Variants in PGPEP1L observed in about 807,000 individuals in gnomAD.
PGPEP1L encodes the protein pyroglutamyl-peptidase 1-like protein.
A neutral mutation model predicts 6.0 loss-of-function variants in PGPEP1L; 7 were observed. That is an observed-to-expected ratio of 1.17 (90% confidence interval 0.66 to 2.19). The LOEUF is 2.19. Ranked by LOEUF, PGPEP1L falls within the 30% of genes most tolerant of loss-of-function variation. The pLI, the probability that PGPEP1L is intolerant of heterozygous loss-of-function variation, is 0.00. For missense variants in PGPEP1L, 209 were observed against 192.5 expected, an observed-to-expected ratio of 1.09 and a Z score of -0.51; for synonymous variants, 103 against 83.9, an observed-to-expected ratio of 1.23 and a Z score of -1.24.
intron 2 of PGPEP1L, among the ~76,000 whole-genome samples, chr15:99,004,751 A>C (rs1156835238): frequency 6.6e-6 from 1 of 152,140 alleles, no homozygotes; most frequent in Non-Finnish European, 1.5e-5. Context: ...ACCTTTGTGA[A>C]GATCAGGCCC....
In PGPEP1L at chr15:98,993,836, GA is replaced by G. The variant is rs58824142; in HGVS notation, c.-142+11592del. Among the ~76,000 whole-genome samples the G allele has an allele frequency of 5.8e-4, 87 of 150,422 alleles. 1 individual carries two copies. The highest frequency in any genetic ancestry group is 1.1e-3 in the African/African-American group (43 of 40,900). On this transcript the variant is annotated intron_variant, in intron 2 of 4. Coordinates refer to ENST00000535714, the MANE Select transcript of PGPEP1L (RefSeq NM_001167902.2). ...TTAAAGTATAATAAAACAATTACAT[GA>G]AAAAAAAAGAGAACACAAAATTGAA...
rs1238560683 is a variant in PGPEP1L, at chr15:99,007,549, A to C, written c.-560T>G. 1.3e-5 allele frequency: 2 copies of C among 151,876 alleles called. No homozygotes were observed. The highest frequency in any genetic ancestry group is 2.9e-5 in the Non-Finnish European group (2 of 68,014). The allele number at this position is 151,876 out of a possible 1,614,324, so 9.4% of individuals were successfully genotyped here. ...GATTCGTGATCTCGCTGACTTCAGGAGTGAAGCTACGGACCTTCATCATGA... is the reference window on the plus strand; with the variant it reads ...GATTCGTGATCTCGCTGACTTCAGGCGTGAAGCTACGGACCTTCATCATGA... On this transcript the variant is annotated 5_prime_UTR_variant, in exon 1 of 5. Transcript: ENST00000535714.
intron 2 of PGPEP1L, among the ~76,000 whole-genome samples, chr15:99,000,172 A>C (rs2017942774): frequency 6.6e-6 from 1 of 152,190 alleles, no homozygotes; most frequent in South Asian, 2.1e-4. Context: ...GGCCCCAGGC[A>C]GTGAGGGGCT....
intron 2 of PGPEP1L, among the ~76,000 whole-genome samples, chr15:98,979,630 A>ATT (rs1882033817): frequency 9.4e-6 from 1 of 105,924 alleles, no homozygotes; most frequent in African/African-American, 3.8e-5. Flanking sequence ...ATTGGAGACT[A>ATT]TTCTTTTTTT....
intron 2 of PGPEP1L, among the ~76,000 whole-genome samples, chr15:98,998,549 A>G (rs550787185): frequency 6.6e-6 from 1 of 152,362 alleles, no homozygotes; most frequent in African/African-American, 2.4e-5. Context: ...AGCAATTTCA[A>G]TGGAAAAGGG....
At chr15:98,974,263 C>T (rs2017537602) in intron 2 of PGPEP1L, among the ~76,000 whole-genome samples, 1 of 152,060 alleles carries the variant, frequency 6.6e-6, no homozygotes, top group African/African-American at 2.4e-5. Context: ...CCTGTAATCC[C>T]AGCTACTCAA....
At chr15:98,993,677 G>A (rs534927805) in intron 2 of PGPEP1L, among the ~76,000 whole-genome samples, 22 of 150,836 alleles carry the variant, frequency 1.5e-4, no homozygotes, top group African/African-American at 2.7e-4. Context: ...CCTGTCAGGC[G>A]GTGGGGGGTG....
intron 2 of PGPEP1L, among the ~76,000 whole-genome samples, chr15:98,971,597 TAAAG>T (rs1200724226): frequency 1.3e-5 from 2 of 152,014 alleles, no homozygotes; most frequent in African/African-American, 2.4e-5. Context: ...GAAGAAGAAA[TAAAG>T]ACTTTCCCAA....
intron 2 of PGPEP1L, among the ~76,000 whole-genome samples, chr15:98,993,406 C>G (rs1480712734): frequency 2.0e-5 from 3 of 152,174 alleles, no homozygotes; most frequent in Non-Finnish European, 4.4e-5. Context: ...GATATCATCT[C>G]ATGCCAGTTA....
At chr15:98,986,598 T>A (rs984616837) in intron 2 of PGPEP1L, among the ~76,000 whole-genome samples, 36 of 152,108 alleles carry the variant, frequency 2.4e-4, no homozygotes, top group African/African-American at 8.5e-4. Context: ...TGATGAATCA[T>A]TGAACCTGGG....
rs879506574 is a variant in PGPEP1L, at chr15:98,968,374, C to G, written c.*104G>C. On this transcript the variant is annotated 3_prime_UTR_variant, in exon 5 of 5. Coordinates refer to ENST00000535714, the MANE Select transcript of PGPEP1L (RefSeq NM_001167902.2). ...TTGGGCTAATTCAGAGTTTTCCACCCTCTTTGTCTTACAAGCAATTTTTGA... is the reference window on the plus strand; with the variant it reads ...TTGGGCTAATTCAGAGTTTTCCACCGTCTTTGTCTTACAAGCAATTTTTGA... 5.1e-6 allele frequency: 6 copies of G among 1,183,708 alleles called. No individual in the cohort carries two copies. The Admixed American group carries it at 1.1e-4, about 21-fold the overall frequency. The allele number at this position is 1,183,708 out of a possible 1,614,324, so 73.3% of individuals were successfully genotyped here.
chr15:98,986,464 T>C (rs1221828927), intron 2 of PGPEP1L, among the ~76,000 whole-genome samples: 1 of 152,190 alleles, frequency 6.6e-6, no homozygotes, highest in Non-Finnish European at 1.5e-5. Context: ...GTCTGGATGT[T>C]TCAGGAGGGT....
chr15:98,983,158 G>GAAA (rs555591048), intron 2 of PGPEP1L, among the ~76,000 whole-genome samples: 133 of 75,242 alleles, frequency 1.8e-3, no homozygotes, highest in Admixed American at 2.5e-3. Flanking sequence ...GTTCTCTTGG[G>GAAA]AAAAAAAAAA....
chr15:98,972,416 T>C (rs2017511190), intron 2 of PGPEP1L, among the ~76,000 whole-genome samples: 1 of 151,246 alleles, frequency 6.6e-6, no homozygotes, highest in Non-Finnish European at 1.5e-5. Flanking sequence ...AAAAACATTC[T>C]ACTAGAGAAA....
At chr15:98,973,943 A>C (rs1450184737) in intron 2 of PGPEP1L, among the ~76,000 whole-genome samples, 1 of 152,242 alleles carries the variant, frequency 6.6e-6, no homozygotes, top group African/African-American at 2.4e-5. Context: ...AGAATCAACA[A>C]GCCTTTAGCT....
intron 1 of PGPEP1L, among the ~76,000 whole-genome samples, chr15:99,006,067 G>A (rs1315359049): frequency 1.1e-4 from 16 of 152,230 alleles, no homozygotes; most frequent in Admixed American, 1.0e-3. Context: ...AACCATAGAT[G>A]AATCTTATGG....
intron 2 of PGPEP1L, among the ~76,000 whole-genome samples, chr15:98,982,968 C>T (rs2017689575): frequency 6.6e-6 from 1 of 152,004 alleles, no homozygotes; most frequent in Non-Finnish European, 1.5e-5. Context: ...GCCTCAGCCT[C>T]CCAAAGTGCT....
intron 2 of PGPEP1L, among the ~76,000 whole-genome samples, chr15:98,984,882 G>A (rs1195556010): frequency 6.6e-6 from 1 of 152,068 alleles, no homozygotes; most frequent in African/African-American, 2.4e-5. Context: ...CAAGGACGGT[G>A]GAGAAGACAA....
At chr15:98,979,234 C>T (rs957017830) in intron 2 of PGPEP1L, among the ~76,000 whole-genome samples, 4 of 151,756 alleles carry the variant, frequency 2.6e-5, no homozygotes, top group Non-Finnish European at 4.4e-5. Context: ...CATTACTGTA[C>T]GAACCAGCAA....
Sources: gnomAD v4.1 joint callset for allele counts (sites outside exome capture counted in the v4.1 genomes callset) on GRCh38, gnomAD v4.1.1 for gene constraint, MANE v1.5 for transcripts, NCBI Gene and HGNC (gene_info 2026-07-23, HGNC 2026-07-21) for gene names.